COQ2: variants seen among roughly 807,000 people sequenced by gnomAD.
COQ2 encodes 4-hydroxybenzoate polyprenyltransferase, mitochondrial.
In COQ2, 25 loss-of-function variants were observed where a neutral mutation model predicts 35.7. The ratio of observed to expected loss-of-function variants is 0.70; its 90% CI spans 0.51 to 0.98. COQ2 has a LOEUF of 0.98. Among genes scored for constraint, COQ2 ranks in the 50% least tolerant of loss-of-function variants. The pLI, the probability that COQ2 is intolerant of heterozygous loss-of-function variation, is 0.00. For synonymous variants in COQ2, 206 were observed against 186.2 expected (o/e 1.11, Z -0.86); for missense variants, 488 against 473.5 (o/e 1.03, Z -0.28).
At chr4:83,274,475 G>A (rs188706945) in intron 2 of COQ2, among the ~76,000 whole-genome samples, 186 of 152,324 alleles carry the variant, frequency 1.2e-3, no homozygotes, top group Admixed American at 2.5e-3. Context: ...GATTATAAGC[G>A]TGAGCCACGG....
chr4:83,283,219 G>A lies in COQ2; in HGVS notation c.253+1293C>T, dbSNP rs1222913419. The A allele has an allele frequency of 2.4e-5, 23 of 957,060 alleles. 1 individual carries two copies. In the South Asian group the frequency reaches 1.0e-3, roughly 42 times the overall value. 59.3% of individuals were successfully genotyped at this position (957,060 alleles called of 1,614,324 possible). A position where few individuals can be genotyped will look rare whatever the true frequency, so the allele number is the denominator to read the frequency against. The stretch of plus-strand genomic sequence containing the variant: ...GAATACCAAAAGCAAGGCCTAATTC[G>A]GGTCTTGTACGGGCAAAAGTGGAGT... On this transcript the variant is annotated intron_variant, in intron 1 of 6. Transcript: ENST00000647002.
chr4:83,277,923 C>T (rs1158152942), intron 2 of COQ2, among the ~76,000 whole-genome samples: 2 of 151,248 alleles, frequency 1.3e-5, no homozygotes, highest in African/African-American at 4.9e-5. Context: ...GAGCTGAGCT[C>T]GCACCACTGC....
chr4:83,282,327 A>C (rs1331147745), intron 1 of COQ2, among the ~76,000 whole-genome samples: 2 of 152,228 alleles, frequency 1.3e-5, no homozygotes, highest in African/African-American at 4.8e-5. Context: ...TGATCAATGA[A>C]GGTAACAAGA....
At chr4:83,270,851 G>A (rs1434500605) in intron 4 of COQ2, among the ~76,000 whole-genome samples, 2 of 152,096 alleles carry the variant, frequency 1.3e-5, no homozygotes, top group African/African-American at 4.8e-5. Flanking sequence ...AGTAAATGTA[G>A]GGGTTCAGTA....
At chr4:83,278,739 C>T (rs749231727) in intron 2 of COQ2, among the ~76,000 whole-genome samples, 6 of 152,232 alleles carry the variant, frequency 3.9e-5, no homozygotes, top group African/African-American at 7.2e-5. Context: ...ACACACCTTG[C>T]CCCTGGGGCC....
At chr4:83,272,634 T>A (rs1461579055) in intron 3 of COQ2, among the ~76,000 whole-genome samples, 2 of 152,364 alleles carry the variant, frequency 1.3e-5, no homozygotes, top group African/African-American at 4.8e-5. Flanking sequence ...GAGTCCAACC[T>A]ATCAACCACC....
Position 83,283,561 on chromosome 4 carries a change from A to T in COQ2, c.253+951T>A, listed in dbSNP as rs539988715. On this transcript the variant is annotated intron_variant, in intron 1 of 6. Coordinates refer to ENST00000647002, the MANE Select transcript of COQ2 (RefSeq NM_001358921.2). ...CGAAACTTTCCAGCAAGGGATCCAC[A>T]GTAATTTCTCTTTTTCCTGTAGCAC... 8 of 985,468 alleles carry T rather than the reference A, an allele frequency of 8.1e-6. No individual in the cohort carries two copies. In the African/African-American group the frequency reaches 1.2e-4, roughly 15 times the overall value. 61.0% of individuals were successfully genotyped at this position (985,468 alleles called of 1,614,324 possible).
At chr4:83,282,160 C>T (rs1253329470) in intron 1 of COQ2, among the ~76,000 whole-genome samples, 1 of 152,158 alleles carries the variant, frequency 6.6e-6, no homozygotes, top group East Asian at 1.9e-4. Context: ...AGATGATCTT[C>T]AAGACAACAT....
chr4:83,284,355 T>C (rs756692575), intron 1 of COQ2, 157 bp downstream of exon 1: 71 of 984,744 alleles, frequency 7.2e-5, no homozygotes, highest in Non-Finnish European at 8.3e-5. Flanking sequence ...TGTCCCGAGG[T>C]GATTCGCCCC....
At position 83,284,623 on chromosome 4, in the gene COQ2, A is replaced by G; in HGVS notation, c.142T>C (p.Cys48Arg). 6.6e-7 allele frequency: 1 copy of G among 1,521,416 alleles called. No individual in the cohort carries two copies. The allele number at this position is 1,521,416 out of a possible 1,614,324, so 94.2% of individuals were successfully genotyped here. Residue 48 changes from cysteine (C) to arginine (R), a missense_variant, in exon 1 of 7, where the codon TGT (cysteine) becomes CGT (arginine). By Grantham distance (180) the Cys-to-Arg change is radical. Coordinates refer to ENST00000647002, the MANE Select transcript of COQ2 (RefSeq NM_001358921.2). ...PHGGDLQPPACPEPRGRQLSL... is the reference protein window; with the variant it reads ...PHGGDLQPPARPEPRGRQLSL... Reference sequence around the variant, plus strand: ...AGCTGGCGCCCGCGCGGCTCGGGACAGGCGGGGGGCTGCAAGTCACCACCG... The same window carrying G: ...AGCTGGCGCCCGCGCGGCTCGGGACGGGCGGGGGGCTGCAAGTCACCACCG...
Position 83,283,177 on chromosome 4 carries a change from G to C in COQ2, c.253+1335C>G, listed in dbSNP as rs1007703587. ...TAACTTAGTGCTCTAATCCCAAATA[G>C]GTCGTGCATAAATCTAGAATACCAA... On this transcript the variant is annotated intron_variant, in intron 1 of 6. Coordinates refer to ENST00000647002, the MANE Select transcript of COQ2 (RefSeq NM_001358921.2). 4.2e-5 allele frequency: 26 copies of C among 614,418 alleles called. No homozygotes were observed. The Middle Eastern group carries it at 4.1e-3, about 96-fold the overall frequency. 38.1% of individuals were successfully genotyped at this position (614,418 alleles called of 1,614,324 possible).
intron 3 of COQ2, among the ~76,000 whole-genome samples, chr4:83,272,668 T>C (rs1735076305): frequency 6.6e-6 from 1 of 152,222 alleles, no homozygotes; most frequent in South Asian, 2.1e-4. Context: ...CAAATGTTAC[T>C]GCCTCTCTGA....
At chr4:83,277,272 C>T (rs1735204748) in intron 2 of COQ2, among the ~76,000 whole-genome samples, 1 of 152,194 alleles carries the variant, frequency 6.6e-6, no homozygotes, top group Non-Finnish European at 1.5e-5. Context: ...CTTTACCATA[C>T]AGCTCCTGCC....
Position 83,265,080 on chromosome 4 carries a change from T to C in COQ2, c.952-717A>G, listed in dbSNP as rs534602125. Reference sequence around the variant, plus strand: ...GCTAGAGACCTAAATCTGTTGCTAGTAATCTAGAACAAGCGTACTCCTTTT... The same window carrying C: ...GCTAGAGACCTAAATCTGTTGCTAGCAATCTAGAACAAGCGTACTCCTTTT... On this transcript the variant is annotated intron_variant, in intron 6 of 6. Coordinates refer to ENST00000647002, the MANE Select transcript of COQ2 (RefSeq NM_001358921.2). Among the ~76,000 whole-genome samples the C allele has an allele frequency of 6.6e-5, 10 of 152,332 alleles. No individual in the cohort carries two copies. The East Asian group carries it at 1.7e-3, about 26-fold the overall frequency.
Position 83,264,239 on chromosome 4 carries a change from T to G in COQ2, c.1076A>C (p.Asp359Ala), listed in dbSNP as rs1463351732. The G allele has an allele frequency of 6.3e-7, 1 of 1,592,178 alleles. No homozygotes were observed. Among genetic ancestry groups the G allele is most frequent in the African/African-American group, 1.3e-5 (1 of 74,226 alleles). ...ATTCTCTATACCCTTCTTTGTTTTG[T>G]CTGTCTTCTTTTCTTTCCACAAATT... ...LGNLWKEKKT[D>A]KTKKGIENKI... Residue 359 changes from aspartate to alanine, a missense_variant, in exon 7 of 7, where the codon GAC (aspartate) becomes GCC (alanine). Coordinates refer to ENST00000647002, the MANE Select transcript of COQ2 (RefSeq NM_001358921.2).
Position 83,267,711 on chromosome 4 carries a change from T to C in COQ2, c.826A>G (p.Lys276Glu). The change falls in exon 6 of 7, where the codon AAG becomes GAG. Residue 276 changes from lysine (K) to glutamate (E), a missense_variant. Transcript: ENST00000647002. ...STALRFGENTKPWLSGFSVAM... is the reference protein window; with the variant it reads ...STALRFGENTEPWLSGFSVAM... The stretch of plus-strand genomic sequence containing the variant: ...ACACTGAAGCCGCTGAGCCACGGCT[T>C]GGTATTTTCTCCGAACCGCAGAGCC... 3 of 1,553,748 alleles carry C rather than the reference T, an allele frequency of 1.9e-6. No individual in the cohort carries two copies. Among genetic ancestry groups the C allele is most frequent in the Non-Finnish European group, 2.6e-6 (3 of 1,148,230 alleles).
At chr4:83,280,517 A>G (rs1374834486) in intron 1 of COQ2, among the ~76,000 whole-genome samples, 2 of 152,254 alleles carry the variant, frequency 1.3e-5, no homozygotes, top group East Asian at 1.9e-4. Flanking sequence ...TGGGAATACA[A>G]TGGTGGCTAA....
intron 6 of COQ2, among the ~76,000 whole-genome samples, chr4:83,264,643 AAAAAAG>A (rs1162132064): frequency 1.3e-5 from 2 of 152,124 alleles, no homozygotes; most frequent in Admixed American, 6.5e-5. Context: ...CTATCTCAAA[AAAAAAG>A]AAAAAGAAAA....
intron 1 of COQ2, chr4:83,283,125 CT>C: frequency 3.9e-6 from 1 of 257,796 alleles, no homozygotes; most frequent in Non-Finnish European, 6.1e-6. Flanking sequence ...ATTCAGTAGG[CT>C]TTTATGCTTT....
Sources: allele counts gnomAD v4.1 joint callset (sites outside exome capture counted in the v4.1 genomes callset), GRCh38; gene constraint gnomAD v4.1.1; transcripts MANE v1.5; gene names NCBI Gene and HGNC (gene_info 2026-07-23, HGNC 2026-07-21).